The following ELAVL3 variants were observed in gnomAD, a reference collection of about 807,000 sequenced individuals.
ELAVL3 encodes ELAV like RNA binding protein 3, also known as ELAV-like protein 3.
Under a neutral mutation model 34.2 loss-of-function variants are expected in ELAVL3, and 8 were observed. That is an observed-to-expected ratio of 0.23 (90% CI 0.14 to 0.42). The LOEUF is 0.42. ELAVL3 is among the 10% of genes least tolerant of loss of function. The pLI is 1.00. For synonymous variants in ELAVL3, 209 were observed against 222.1 expected (o/e 0.94, Z 0.53); for missense variants, 273 against 518.8 (o/e 0.53, Z 4.60).
chr19:11,463,307 G>T (rs796105367), intron 3 of ELAVL3, among the ~76,000 whole-genome samples: 23 of 152,290 alleles, frequency 1.5e-4, no homozygotes, highest in African/African-American at 5.5e-4. Context: ...GCCCAGTCCT[G>T]ACTGACCGCG....
At chr19:11,459,172 G>T (rs1970832966) in intron 3 of ELAVL3, among the ~76,000 whole-genome samples, 1 of 149,094 alleles carries the variant, frequency 6.7e-6, no homozygotes, top group Non-Finnish European at 1.5e-5. Flanking sequence ...CGCCAGGCTG[G>T]AGTGCAATGG....
At chr19:11,468,654 C>G (rs908552293) in intron 1 of ELAVL3, among the ~76,000 whole-genome samples, 4 of 151,620 alleles carry the variant, frequency 2.6e-5, no homozygotes, top group African/African-American at 9.7e-5. Flanking sequence ...TCTTGAAATG[C>G]TGACCTCGTG....
intron 3 of ELAVL3, among the ~76,000 whole-genome samples, chr19:11,464,892 C>A (rs1234303645): frequency 1.1e-4 from 5 of 47,324 alleles, no homozygotes; most frequent in Non-Finnish European, 1.9e-4. Context: ...CATACACACA[C>A]CACACACACC....
At chr19:11,465,827 G>T (rs1434048579) in intron 3 of ELAVL3, among the ~76,000 whole-genome samples, 1 of 147,370 alleles carries the variant, frequency 6.8e-6, no homozygotes, top group Non-Finnish European at 1.5e-5. Flanking sequence ...GGCTCCAGAT[G>T]GCAGATGGGC....
chr19:11,455,339 T>C, intron 6 of ELAVL3, among the ~76,000 whole-genome samples: 1 of 146,178 alleles, frequency 6.8e-6, no homozygotes, highest in African/African-American at 2.6e-5. Flanking sequence ...CTTGCTCTGT[T>C]GCCCAGGCTG....
chr19:11,467,632 T>C (rs1971081723), intron 1 of ELAVL3, among the ~76,000 whole-genome samples: 2 of 151,240 alleles, frequency 1.3e-5, no homozygotes, highest in Admixed American at 1.3e-4. Context: ...TACAGGTGCA[T>C]GCCACTATGC....
intron 1 of ELAVL3, among the ~76,000 whole-genome samples, chr19:11,468,120 T>C (rs1261711290): frequency 2.6e-5 from 4 of 152,052 alleles, no homozygotes; most frequent in African/African-American, 9.7e-5. Context: ...TCATAAGCCC[T>C]TCCCTAAACA....
rs770287496 is a variant in ELAVL3, at chr19:11,480,665, T to C, written c.-57A>G. 7.3e-7 allele frequency: 1 copy of C among 1,361,748 alleles called. No individual in the cohort carries two copies. Among genetic ancestry groups the C allele is most frequent in the South Asian group, 2.0e-5 (1 of 51,118 alleles). The allele number at this position is 1,361,748 out of a possible 1,614,324, so 84.4% of individuals were successfully genotyped here. ...GAGGGGGGCTCCGGGGGTGGTGCAC[T>C]CCTAGGGGGGCGCCCGATGCTCACG... On this transcript the variant is annotated 5_prime_UTR_variant, in exon 1 of 7. Coordinates refer to ENST00000359227, the MANE Select transcript of ELAVL3 (RefSeq NM_001420.4). This position sits in a 1 kb window ranked among gnomAD's most constrained non-coding sequence, Gnocchi z 6.8.
chr19:11,479,971 C>G (rs1338222872), intron 1 of ELAVL3, among the ~76,000 whole-genome samples: 1 of 150,910 alleles, frequency 6.6e-6, no homozygotes, highest in Non-Finnish European at 1.5e-5. Flanking sequence ...CCCCGCAGCC[C>G]GAGGCGCCCG....
chr19:11,451,480 G>GTTTTTTT lies in ELAVL3; in HGVS notation c.*3045_*3046insAAAAAAA, dbSNP rs1970626472. 1.3e-5 allele frequency: 1 copy of GTTTTTTT among 77,674 alleles called. No homozygotes were observed. 4.8% of individuals were successfully genotyped at this position (77,674 alleles called of 1,614,324 possible). On this transcript the variant is annotated 3_prime_UTR_variant, in exon 7 of 7. Transcript: ENST00000359227. ...CTTGTTGGGTTTTTTTTTTTTTTTT[G>GTTTTTTT]TCTTTTGTTTTGTCTTTTTTTTTTT... is the stretch of plus-strand genomic sequence containing the variant.
chr19:11,467,499 T>C (rs1314723940), intron 1 of ELAVL3, among the ~76,000 whole-genome samples: 1 of 152,040 alleles, frequency 6.6e-6, no homozygotes, highest in African/African-American at 2.4e-5. Context: ...TTGTTGTTGT[T>C]GTTTGTTAGT....
intron 3 of ELAVL3, among the ~76,000 whole-genome samples, chr19:11,464,751 ACACACACAT>A (rs1420696543): frequency 1.8e-5 from 2 of 111,974 alleles, no homozygotes; most frequent in African/African-American, 4.7e-5. Flanking sequence ...CACATACACC[ACACACACAT>A]CACACACACC....
intron 3 of ELAVL3, among the ~76,000 whole-genome samples, chr19:11,464,151 C>CTCTCTCTCTCTCTCTATATA (rs1215435723): frequency 1.2e-5 from 1 of 86,494 alleles, no homozygotes; most frequent in African/African-American, 6.1e-5. Flanking sequence ...CTCTCTCTCT[C>CTCTCTCTCTCTCTCTATATA]TATATATATA....
At position 11,458,379 on chromosome 19, in the gene ELAVL3, G is replaced by A; in HGVS notation, c.487+79C>T. ...CCCTGCTTCATGCCCTGGCATCTTG[G>A]TCGGTTTCCCCACGTTGGTCCCACC... On this transcript the variant is annotated intron_variant, in intron 4 of 6. Transcript: ENST00000359227. The surrounding 1 kb of genome is among the most constrained non-coding windows in gnomAD (Gnocchi z 7.3). 6.2e-7 allele frequency: 1 copy of A among 1,606,492 alleles called. No homozygotes were observed. The highest frequency in any genetic ancestry group is 8.5e-7 in the Non-Finnish European group (1 of 1,175,628).
chr19:11,470,464 G>T (rs1253759489), intron 1 of ELAVL3, among the ~76,000 whole-genome samples: 1 of 151,082 alleles, frequency 6.6e-6, no homozygotes, highest in African/African-American at 2.4e-5. Flanking sequence ...TCGGGAGTTC[G>T]AGACCAGCCC....
At chr19:11,460,609 T>G (rs1386261227) in intron 3 of ELAVL3, among the ~76,000 whole-genome samples, 1 of 151,966 alleles carries the variant, frequency 6.6e-6, no homozygotes, top group Non-Finnish European at 1.5e-5. Context: ...CAGGCATGTC[T>G]CAGCCTCAGG....
intron 3 of ELAVL3, among the ~76,000 whole-genome samples, chr19:11,461,599 G>A (rs574025234): frequency 3.3e-4 from 48 of 147,246 alleles, no homozygotes; most frequent in Non-Finnish European, 3.1e-4. Flanking sequence ...TGAGGTTTTT[G>A]TTTGTGGGTT....
chr19:11,457,062 G>A, intron 6 of ELAVL3, 48 bp downstream of exon 6: 4 of 1,451,848 alleles, frequency 2.8e-6, no homozygotes, highest in Non-Finnish European at 3.6e-6. Flanking sequence ...GGTGCATCAG[G>A]GGCATGGATG....
chr19:11,480,516 C>G lies in ELAVL3; in HGVS notation c.9+84G>C, dbSNP rs1009227823. Reference sequence around the variant, plus strand: ...CTAGCTAGGCCTGGTCCTACCCCCCCCGCCGCACCCGCCCAATCTCCGCGG... The same window carrying G: ...CTAGCTAGGCCTGGTCCTACCCCCCGCGCCGCACCCGCCCAATCTCCGCGG... On this transcript the variant is annotated intron_variant, in intron 1 of 6. Transcript: ENST00000359227. The surrounding 1 kb of genome is among the most constrained non-coding windows in gnomAD (Gnocchi z 6.8). 31 of 1,417,806 alleles carry G rather than the reference C, an allele frequency of 2.2e-5. No individual in the cohort carries two copies. The Admixed American group carries it at 2.8e-4, about 13-fold the overall frequency. The allele number at this position is 1,417,806 out of a possible 1,614,324, so 87.8% of individuals were successfully genotyped here.
Sources: allele counts gnomAD v4.1 joint callset (sites outside exome capture counted in the v4.1 genomes callset), GRCh38; gene constraint gnomAD v4.1.1; non-coding constraint Gnocchi (gnomAD v3.1); transcripts MANE v1.5; gene names NCBI Gene and HGNC (gene_info 2026-07-23, HGNC 2026-07-21).